TTBK1: variants seen among roughly 807,000 people sequenced by gnomAD.
TTBK1 encodes the protein tau-tubulin kinase 1.
A neutral mutation model predicts 108.5 loss-of-function variants in TTBK1; 34 were observed. The observed-to-expected ratio is 0.31, with a 90% CI of 0.24 to 0.42. The LOEUF (loss-of-function observed/expected upper bound fraction) is 0.42. TTBK1 is among the 10% of genes least tolerant of loss of function. The probability of loss-of-function intolerance (pLI) is 1.00; values close to 1 mark genes in which losing one functional copy is unlikely to be tolerated. For synonymous variants in TTBK1, 809 were observed against 795.1 expected, an observed-to-expected ratio of 1.02 and a Z score of -0.29; for missense variants, 1,539 against 1,826.0, an observed-to-expected ratio of 0.84 and a Z score of 2.86.
Position 43,246,590 on chromosome 6 carries a change from C to T in TTBK1, c.-54-17C>T. 1.6e-6 allele frequency: 2 copies of T among 1,265,208 alleles called. No individual in the cohort carries two copies. Among genetic ancestry groups the T allele is most frequent in the Non-Finnish European group, 2.2e-6 (2 of 909,430 alleles). 78.4% of individuals were successfully genotyped at this position (1,265,208 alleles called of 1,614,324 possible). On this transcript the variant is annotated splice_polypyrimidine_tract_variant and intron_variant, in intron 1 of 14. Transcript: ENST00000259750. Reference sequence around the variant, plus strand: ...GGGTCCGCAGCCCGCCCTCACAGGCCCTCCTCACTCCCCTAGGTAGATGGC... The same window carrying T: ...GGGTCCGCAGCCCGCCCTCACAGGCTCTCCTCACTCCCCTAGGTAGATGGC...
intron 10 of TTBK1, 81 bp from the exon 11 acceptor site, chr6:43,258,957 G>A: frequency 9.3e-7 from 1 of 1,079,836 alleles, no homozygotes; most frequent in South Asian, 1.6e-5. Context: ...TGGTCTCCAG[G>A]TCTGTGCTGG....
chr6:43,279,053 C>T (rs1562097830), intron 13 of TTBK1, among the ~76,000 whole-genome samples: 1 of 152,198 alleles, frequency 6.6e-6, no homozygotes, highest in Non-Finnish European at 1.5e-5. Context: ...GGTGGATGTG[C>T]TTCATAACCT....
chr6:43,244,505 G>A lies in TTBK1; in HGVS notation c.-55+797G>A, dbSNP rs182390112. Among the ~76,000 whole-genome samples the A allele has an allele frequency of 8.0e-4, 122 of 152,272 alleles. 1 individual carries two copies. The highest frequency in any genetic ancestry group is 6.8e-3 in the Middle Eastern group (2 of 294). ...TCACCATGCGCCCATGTGCACATAG[G>A]GGTCTGAGGCGGCAGTAACGGGGCA... On this transcript the variant is annotated intron_variant, in intron 1 of 14. Coordinates refer to ENST00000259750, the MANE Select transcript of TTBK1 (RefSeq NM_032538.3).
Position 43,285,533 on chromosome 6 carries a change from C to A in TTBK1, c.*157C>A. ...GCACCCGCGAGGACGCGCGCGAGCACACGCGGCGCCCCGCCAGGCCTTAGG... is the reference window on the plus strand; with the variant it reads ...GCACCCGCGAGGACGCGCGCGAGCAAACGCGGCGCCCCGCCAGGCCTTAGG... On this transcript the variant is annotated 3_prime_UTR_variant, in exon 15 of 15. Coordinates refer to ENST00000259750, the MANE Select transcript of TTBK1 (RefSeq NM_032538.3). This position sits in a 1 kb window ranked among gnomAD's most constrained non-coding sequence, Gnocchi z 4.7. 2 of 1,017,290 alleles carry A rather than the reference C, an allele frequency of 2.0e-6. No homozygotes were observed. The highest frequency in any genetic ancestry group is 2.5e-6 in the Non-Finnish European group (2 of 798,846). The allele number at this position is 1,017,290 out of a possible 1,614,324, so 63.0% of individuals were successfully genotyped here. A position where few individuals can be genotyped will look rare whatever the true frequency, so the allele number is the denominator to read the frequency against.
Position 43,269,873 on chromosome 6 carries a change from C to T in TTBK1, c.1986+6523C>T. On this transcript the variant is annotated intron_variant, in intron 13 of 14. Coordinates refer to ENST00000259750, the MANE Select transcript of TTBK1 (RefSeq NM_032538.3). This position sits in a 1 kb window ranked among gnomAD's most constrained non-coding sequence, Gnocchi z 4.8. ...ACGCGCCCCTCGCTGCTGGCAACCA[C>T]AGACTCATGCCCTCGGTGCTCCGCA... is the stretch of plus-strand genomic sequence containing the variant. 1 of 1,531,396 alleles carries T rather than the reference C, an allele frequency of 6.5e-7. No homozygotes were observed. 94.9% of individuals were successfully genotyped at this position (1,531,396 alleles called of 1,614,324 possible).
At position 43,269,670 on chromosome 6, in the gene TTBK1, T is replaced by C; in HGVS notation, c.1986+6320T>C. ...GGAGGAGGACAGACTCTCGGGGCAC[T>C]CCCTCCCGCGGTACAGCCCCCTGCG... is the stretch of plus-strand genomic sequence containing the variant. On this transcript the variant is annotated intron_variant, in intron 13 of 14. Transcript: ENST00000259750. The surrounding 1 kb of genome is among the most constrained non-coding windows in gnomAD (Gnocchi z 4.8). 1 of 1,611,226 alleles carries C rather than the reference T, an allele frequency of 6.2e-7. No individual in the cohort carries two copies. Among genetic ancestry groups the C allele is most frequent in the Non-Finnish European group, 8.5e-7 (1 of 1,179,402 alleles).
chr6:43,270,895 C>T, intron 13 of TTBK1: 1 of 985,538 alleles, frequency 1.0e-6, no homozygotes, highest in Non-Finnish European at 1.2e-6. Flanking sequence ...CCCACCTCTG[C>T]CCTTCTCAGA....
Position 43,262,944 on chromosome 6 carries a change from T to C in TTBK1, c.1580T>C (p.Phe527Ser), listed in dbSNP as rs778419198. 1 of 1,613,992 alleles carries C rather than the reference T, an allele frequency of 6.2e-7. No individual in the cohort carries two copies. The highest frequency in any genetic ancestry group is 1.1e-5 in the South Asian group (1 of 91,050). Residue 527 changes from phenylalanine (F) to serine (S), a missense_variant, in exon 13 of 15, where the codon TTC (phenylalanine) becomes TCC (serine). This residue lies in a region of TTBK1 where 277 missense variants were observed against 332.4 expected (regional missense o/e 0.83). Coordinates refer to ENST00000259750, the MANE Select transcript of TTBK1 (RefSeq NM_032538.3). ...SVEQEALSNA[F>S]RSVPLAEEED... The stretch of plus-strand genomic sequence containing the variant: ...GAGCAGGAGGCCCTGAGCAACGCCT[T>C]CCGCTCGGTGCCGCTGGCTGAGGAG...
chr6:43,273,255 G>C lies in TTBK1; in HGVS notation c.1987-9472G>C, dbSNP rs924634117. Among the ~76,000 whole-genome samples the C allele has an allele frequency of 6.6e-6, 1 of 152,208 alleles. No homozygotes were observed. The highest frequency in any genetic ancestry group is 1.5e-5 in the Non-Finnish European group (1 of 68,036). On this transcript the variant is annotated intron_variant, in intron 13 of 14. Transcript: ENST00000259750. The surrounding 1 kb of genome is among the most constrained non-coding windows in gnomAD (Gnocchi z 4.2). ...TGGTCTATGTATTGGTTGATTGATT[G>C]TCCTTTGCGGTGGGCCCCCTCCTCA...
In TTBK1 at chr6:43,276,822, C is replaced by G. The variant is rs1235586805; in HGVS notation, c.1987-5905C>G. Among the ~76,000 whole-genome samples, 2 of 152,058 alleles carry G rather than the reference C, an allele frequency of 1.3e-5. No individual in the cohort carries two copies. The highest frequency in any genetic ancestry group is 2.9e-5 in the Non-Finnish European group (2 of 67,998). On this transcript the variant is annotated intron_variant, in intron 13 of 14. Coordinates refer to ENST00000259750, the MANE Select transcript of TTBK1 (RefSeq NM_032538.3). This position sits in a 1 kb window ranked among gnomAD's most constrained non-coding sequence, Gnocchi z 5.4. ...GGCAAGTTCTGGGTCAGTGGATGAG[C>G]TTCGTCCACACCTTAGCCAGGCAGC...
chr6:43,253,837 A>C lies in TTBK1; in HGVS notation c.471+129A>C. 8.2e-7 allele frequency: 1 copy of C among 1,225,916 alleles called. No homozygotes were observed. Among genetic ancestry groups the C allele is most frequent in the Non-Finnish European group, 1.1e-6 (1 of 903,776 alleles). 75.9% of individuals were successfully genotyped at this position (1,225,916 alleles called of 1,614,324 possible). On this transcript the variant is annotated intron_variant, in intron 5 of 14. Transcript: ENST00000259750. This position sits in a 1 kb window ranked among gnomAD's most constrained non-coding sequence, Gnocchi z 5.8. ...TGTGATGGGACAGCCTCTTCTCCCCAAGCCCCTCCTGCTCTCCTTCCCAGG... is the reference window on the plus strand; with the variant it reads ...TGTGATGGGACAGCCTCTTCTCCCCCAGCCCCTCCTGCTCTCCTTCCCAGG...
rs191279018 is a variant in TTBK1, at chr6:43,281,099, C to T, written c.1987-1628C>T. On this transcript the variant is annotated intron_variant, in intron 13 of 14. Coordinates refer to ENST00000259750, the MANE Select transcript of TTBK1 (RefSeq NM_032538.3). Reference sequence around the variant, plus strand: ...AAGATCTGAACTGTCTTAGGCCAGGCGTGGTGGCTCACGCCTGTAATCCCA... The same window carrying T: ...AAGATCTGAACTGTCTTAGGCCAGGTGTGGTGGCTCACGCCTGTAATCCCA... 3.2e-3 allele frequency among the ~76,000 whole-genome samples: 492 copies of T among 152,156 alleles called. 4 individuals are homozygous for T. Among genetic ancestry groups the T allele is most frequent in the African/African-American group, 0.011 (451 of 41,514 alleles).
In TTBK1 at chr6:43,259,903, G is replaced by A. The variant is rs1277289118; in HGVS notation, c.1424+197G>A. 6.6e-6 allele frequency among the ~76,000 whole-genome samples: 1 copy of A among 152,252 alleles called. No homozygotes were observed. The highest frequency in any genetic ancestry group is 1.5e-5 in the Non-Finnish European group (1 of 68,046). ...GGAGAACCAGTGGGGGATCCAGAGA[G>A]GTCCCGGCTCATGCCAGGAAACGTA... On this transcript the variant is annotated intron_variant, in intron 12 of 14. Coordinates refer to ENST00000259750, the MANE Select transcript of TTBK1 (RefSeq NM_032538.3). This position sits in a 1 kb window ranked among gnomAD's most constrained non-coding sequence, Gnocchi z 6.7.
rs753064886 is a variant in TTBK1 at position 43,259,144 on chromosome 6, C to T, written c.1123C>T (p.Pro375Ser). Reference protein sequence around the residue: ...SDQENAPPILPGRPSEGLGPS... With the variant: ...SDQENAPPILSGRPSEGLGPS... ...CCAGGAGAATGCACCCCCAATTCTG[C>T]CCGGGAGGCCCTCTGAGGGGCTGGG... is the stretch of plus-strand genomic sequence containing the variant. The change falls in exon 11 of 15, where the codon CCC becomes TCC. Residue 375 changes from proline (P) to serine (S), a missense_variant. Pro to Ser is a moderately conservative substitution (Grantham distance 74). This residue lies in a region of TTBK1 where 277 missense variants were observed against 332.4 expected (regional missense o/e 0.83). Coordinates refer to ENST00000259750, the MANE Select transcript of TTBK1 (RefSeq NM_032538.3). The surrounding 1 kb of genome is among the most constrained non-coding windows in gnomAD (Gnocchi z 6.7). 1 of 1,614,022 alleles carries T rather than the reference C, an allele frequency of 6.2e-7. No individual in the cohort carries two copies. The highest frequency in any genetic ancestry group is 8.5e-7 in the Non-Finnish European group (1 of 1,179,930).
At chr6:43,252,102 G>T (rs1052171041) in intron 2 of TTBK1, among the ~76,000 whole-genome samples, 1 of 152,092 alleles carries the variant, frequency 6.6e-6, no homozygotes, top group Non-Finnish European at 1.5e-5. Flanking sequence ...GCGGCCCAGT[G>T]TCTCCTCAGA....
intron 13 of TTBK1, chr6:43,270,488 C>T: frequency 1.0e-6 from 1 of 985,398 alleles, no homozygotes; most frequent in Non-Finnish European, 1.2e-6. Context: ...CCAGGACAGC[C>T]AGGTTTGGAA....
chr6:43,284,845 CCCATCTGTG>C (rs1562103303), intron 14 of TTBK1, 129 bp from the exon 15 acceptor site: 1 of 1,337,446 alleles, frequency 7.5e-7, no homozygotes, highest in Non-Finnish European at 9.6e-7. Flanking sequence ...CCTCAGTTTA[CCCATCTGTG>C]CCATGGTCTC....
At chr6:43,279,849 C>T (rs1778107203) in intron 13 of TTBK1, among the ~76,000 whole-genome samples, 4 of 151,952 alleles carry the variant, frequency 2.6e-5, no homozygotes, top group African/African-American at 9.7e-5. Flanking sequence ...CAGCTCACTG[C>T]AGCCTTGATC....
At position 43,283,885 on chromosome 6, in the gene TTBK1, G is replaced by A. The variant is rs761518023; in HGVS notation, c.3145G>A (p.Gly1049Ser). ...TISPRRHAMPGSRPRSRIPVL... is the reference protein window; with the variant it reads ...TISPRRHAMPSSRPRSRIPVL... ...CTCCCCCAGACGCCATGCTATGCCAGGCTCTCGCCCCAGGAGCCGTATCCC... is the reference window on the plus strand; with the variant it reads ...CTCCCCCAGACGCCATGCTATGCCAAGCTCTCGCCCCAGGAGCCGTATCCC... The change falls in exon 14 of 15, where the codon GGC (glycine) becomes AGC (serine). Residue 1049 changes from glycine (G) to serine (S), a missense_variant. Coordinates refer to ENST00000259750, the MANE Select transcript of TTBK1 (RefSeq NM_032538.3). The surrounding 1 kb of genome is among the most constrained non-coding windows in gnomAD (Gnocchi z 8.1). 2.5e-6 allele frequency: 4 copies of A among 1,611,472 alleles called. No homozygotes were observed. The East Asian group carries it at 8.9e-5, about 36-fold the overall frequency.
Sources: gnomAD v4.1 joint callset for allele counts (sites outside exome capture counted in the v4.1 genomes callset) on GRCh38, gnomAD v4.1.1 for gene constraint, gnomAD v4.1.1 regional missense constraint, Gnocchi (gnomAD v3.1) non-coding constraint, MANE v1.5 for transcripts, NCBI Gene and HGNC (gene_info 2026-07-23, HGNC 2026-07-21) for gene names.